The following MTA3 variants were observed in gnomAD, a reference collection of about 807,000 sequenced individuals.
The protein encoded by MTA3 is metastasis associated 1 family member 3, also known as metastasis-associated protein MTA3.
Under a neutral mutation model 83.5 loss-of-function variants are expected in MTA3, and 34 were observed. The observed-to-expected ratio is 0.41, with a 90% CI of 0.31 to 0.54. The LOEUF is 0.54. Among genes scored for constraint, MTA3 ranks in the 20% least tolerant of loss-of-function variants. The pLI is 0.33. For missense variants in MTA3, 761 were observed against 726.4 expected (o/e 1.05, Z -0.55); for synonymous variants, 303 against 252.7 (o/e 1.20, Z -1.89).
At chr2:42,514,395 G>A (rs1173545001) in intron 2 of MTA3, among the ~76,000 whole-genome samples, 1 of 151,728 alleles carries the variant, frequency 6.6e-6, no homozygotes, top group African/African-American at 2.4e-5. Context: ...TTGTTTGTTT[G>A]TTTTGAGATA....
intron 2 of MTA3, among the ~76,000 whole-genome samples, chr2:42,525,399 C>T (rs187630214): frequency 1.3e-5 from 2 of 151,348 alleles, no homozygotes; most frequent in Admixed American, 6.6e-5. Context: ...GGGATTTCAC[C>T]GTGTTGCCCA....
intron 2 of MTA3, among the ~76,000 whole-genome samples, chr2:42,542,232 C>T (rs1388344920): frequency 6.6e-6 from 1 of 152,144 alleles, no homozygotes; most frequent in African/African-American, 2.4e-5. Context: ...GGAGCGGGGT[C>T]CCAAATAATA....
At chr2:42,717,322 G>A (rs569605129) in intron 14 of MTA3, among the ~76,000 whole-genome samples, 14 of 152,098 alleles carry the variant, frequency 9.2e-5, no homozygotes, top group South Asian at 8.3e-4. Context: ...AAATTCTTCA[G>A]TAAATCAGAA....
chr2:42,521,388 T>C (rs1367534613), intron 2 of MTA3, among the ~76,000 whole-genome samples: 1 of 152,172 alleles, frequency 6.6e-6, no homozygotes, highest in Non-Finnish European at 1.5e-5. Flanking sequence ...TGAGAGACCC[T>C]GAGCCAGGGG....
chr2:42,630,764 A>C (rs1686596173), intron 4 of MTA3, among the ~76,000 whole-genome samples: 1 of 152,166 alleles, frequency 6.6e-6, no homozygotes, highest in Admixed American at 6.6e-5. Context: ...AAATTATACC[A>C]AGTAAAATAG....
At chr2:42,674,846 C>T (rs575122722) in intron 8 of MTA3, among the ~76,000 whole-genome samples, 12 of 151,728 alleles carry the variant, frequency 7.9e-5, no homozygotes, top group East Asian at 1.9e-4. Flanking sequence ...ATGATCTGCC[C>T]GCCTCGGCCT....
chr2:42,659,801 G>A lies in MTA3; in HGVS notation c.641G>A (p.Ser214Asn). 6.2e-7 allele frequency: 1 copy of A among 1,608,994 alleles called. No homozygotes were observed. Among genetic ancestry groups the A allele is most frequent in the Non-Finnish European group, 8.5e-7 (1 of 1,177,680 alleles). The change falls in exon 8 of 17, where the codon AGT becomes AAT. Residue 214 changes from serine (S) to asparagine (N), a missense_variant. By Grantham distance (46) the Ser-to-Asn change is conservative (BLOSUM62 1). Coordinates refer to ENST00000405094, the MANE Select transcript of MTA3 (RefSeq NM_001330442.2). The stretch of plus-strand genomic sequence containing the variant: ...TTCGCCAGAGCCCTGGATTGCAGCA[G>A]TTCTGTGAGGCAGCCTAGTTTGCAT... Reference protein sequence around the residue: ...GTFARALDCSSSVRQPSLHMS... With the variant: ...GTFARALDCSNSVRQPSLHMS...
At chr2:42,634,889 A>G (rs139176037) in intron 4 of MTA3, among the ~76,000 whole-genome samples, 164 of 151,608 alleles carry the variant, frequency 1.1e-3, no homozygotes, top group African/African-American at 3.3e-3. Flanking sequence ...TATTATCACA[A>G]CTTTTATTTA....
At chr2:42,631,982 G>A (rs1170108134) in intron 4 of MTA3, among the ~76,000 whole-genome samples, 1 of 151,862 alleles carries the variant, frequency 6.6e-6, no homozygotes, top group African/African-American at 2.4e-5. Context: ...GAGCCACCAG[G>A]CCTGGCCTCT....
chr2:42,560,616 A>C (rs535391948), intron 2 of MTA3, among the ~76,000 whole-genome samples: 1 of 150,624 alleles, frequency 6.6e-6, no homozygotes, highest in South Asian at 2.1e-4. Context: ...CACACTCAAA[A>C]CCCCAGGGCG....
chr2:42,557,309 GA>G (rs1169176390), intron 2 of MTA3, among the ~76,000 whole-genome samples: 32 of 84,784 alleles, frequency 3.8e-4, no homozygotes, highest in Admixed American at 1.2e-3. Flanking sequence ...TAAAAATTAA[GA>G]AAAAAAAAAC....
Position 42,643,599 on chromosome 2 carries a change from T to C in MTA3, c.382-528T>C, listed in dbSNP as rs561282094. 5.3e-5 allele frequency among the ~76,000 whole-genome samples: 8 copies of C among 152,346 alleles called. No individual in the cohort carries two copies. In the South Asian group the frequency reaches 1.7e-3, roughly 32 times the overall value. On this transcript the variant is annotated intron_variant, in intron 5 of 16. Coordinates refer to ENST00000405094, the MANE Select transcript of MTA3 (RefSeq NM_001330442.2). ...TAGTTAATACATGTTTAATTAAATA[T>C]TTACAAAGTGGTATTATTATAACAG... is the stretch of plus-strand genomic sequence containing the variant.
chr2:42,579,229 C>G (rs200579520), intron 3 of MTA3, 29 bp downstream of exon 3: 1 of 1,486,154 alleles, frequency 6.7e-7, no homozygotes, highest in South Asian at 1.3e-5. Flanking sequence ...ATTAAAAAAA[C>G]GTTTTAAGTC....
intron 2 of MTA3, among the ~76,000 whole-genome samples, chr2:42,550,454 G>A (rs1241725299): frequency 2.6e-5 from 4 of 152,184 alleles, no homozygotes; most frequent in Non-Finnish European, 5.9e-5. Flanking sequence ...AGGTGTTAGT[G>A]CTCTGGGGAG....
chr2:42,657,560 C>T (rs1338373514), intron 7 of MTA3, among the ~76,000 whole-genome samples: 1 of 152,038 alleles, frequency 6.6e-6, no homozygotes, highest in African/African-American at 2.4e-5. Context: ...TGTATGTTTC[C>T]CCTCAAAGCC....
At chr2:42,570,943 G>A (rs543953959) in intron 2 of MTA3, among the ~76,000 whole-genome samples, 7 of 151,940 alleles carry the variant, frequency 4.6e-5, no homozygotes, top group Non-Finnish European at 1.0e-4. Context: ...AACCCGGGAG[G>A]CGGAGGTTGC....
At chr2:42,656,607 T>C (rs1461062973) in intron 7 of MTA3, among the ~76,000 whole-genome samples, 1 of 152,224 alleles carries the variant, frequency 6.6e-6, no homozygotes, top group Admixed American at 6.5e-5. Flanking sequence ...TCCTTTTTAC[T>C]TGACATAGCT....
intron 8 of MTA3, among the ~76,000 whole-genome samples, chr2:42,678,487 GC>G (rs1691582051): frequency 6.6e-6 from 1 of 151,960 alleles, no homozygotes; most frequent in South Asian, 2.1e-4. Flanking sequence ...ACAGGTGACT[GC>G]CACCACACCC....
intron 4 of MTA3, among the ~76,000 whole-genome samples, chr2:42,620,172 G>A (rs1685373521): frequency 1.3e-5 from 2 of 149,292 alleles, no homozygotes; most frequent in African/African-American, 2.5e-5. Flanking sequence ...AGGCTGGAGT[G>A]CAATGGCGTG....
Sources: allele counts gnomAD v4.1 joint callset (sites outside exome capture counted in the v4.1 genomes callset), GRCh38; gene constraint gnomAD v4.1.1; transcripts MANE v1.5; gene names NCBI Gene and HGNC (gene_info 2026-07-23, HGNC 2026-07-21).